The following WRN variants were observed in gnomAD, a reference collection of about 807,000 sequenced individuals.
WRN encodes the protein WRN RecQ like helicase, also known as bifunctional 3'-5' exonuclease/ATP-dependent helicase WRN.
WRN carries 149 observed loss-of-function variants against 180.7 expected under a neutral mutation model. That is an observed-to-expected ratio of 0.82 (90% CI 0.72 to 0.94). The LOEUF is 0.94. WRN is among the 40% of genes least tolerant of loss of function. The pLI is 0.00. For missense variants in WRN, 1,661 were observed against 1,700.1 expected (o/e 0.98, Z 0.40); for synonymous variants, 548 against 568.9 (o/e 0.96, Z 0.52).
intron 32 of WRN, among the ~76,000 whole-genome samples, chr8:31,156,713 C>T (rs776658337): frequency 3.3e-5 from 5 of 152,142 alleles, no homozygotes; most frequent in Non-Finnish European, 7.3e-5. Context: ...GAATGTTTTA[C>T]CTAATAAATA....
chr8:31,104,391 TGA>T (rs1801009784), intron 18 of WRN, among the ~76,000 whole-genome samples: 1 of 152,226 alleles, frequency 6.6e-6, no homozygotes, highest in African/African-American at 2.4e-5. Context: ...TTTTTTCTGT[TGA>T]GTTTTAAGAG....
At chr8:31,128,893 T>A (rs1041671705) in intron 23 of WRN, among the ~76,000 whole-genome samples, 7 of 151,694 alleles carry the variant, frequency 4.6e-5, no homozygotes, top group Non-Finnish European at 8.8e-5. Context: ...ACAAAAAAAC[T>A]AAAAAACAAA....
chr8:31,134,503 A>C (rs1802322107), intron 24 of WRN, among the ~76,000 whole-genome samples: 1 of 152,232 alleles, frequency 6.6e-6, no homozygotes, highest in African/African-American at 2.4e-5. Flanking sequence ...TGAAGTTATT[A>C]CTTAAGGAAC....
At chr8:31,132,917 A>AT (rs1205705036) in intron 24 of WRN, among the ~76,000 whole-genome samples, 1 of 152,184 alleles carries the variant, frequency 6.6e-6, no homozygotes, top group Non-Finnish European at 1.5e-5. Context: ...TATAGGGATT[A>AT]TTTTTTAAAT....
At chr8:31,078,261 G>A (rs1195320993) in intron 8 of WRN, among the ~76,000 whole-genome samples, 7 of 152,068 alleles carry the variant, frequency 4.6e-5, no homozygotes, top group Non-Finnish European at 7.4e-5. Context: ...GTGTGAAAAC[G>A]ATAACTAGTC....
intron 8 of WRN, among the ~76,000 whole-genome samples, chr8:31,079,304 A>G (rs1439251855): frequency 6.6e-6 from 1 of 152,204 alleles, no homozygotes; most frequent in East Asian, 1.9e-4. Context: ...TGAAGGATCA[A>G]ATTTTTACTT....
At chr8:31,061,234 T>C (rs919096366) in intron 3 of WRN, among the ~76,000 whole-genome samples, 1 of 152,104 alleles carries the variant, frequency 6.6e-6, no homozygotes, top group African/African-American at 2.4e-5. Flanking sequence ...TTCACTTATA[T>C]TTTTTTCTTC....
chr8:31,064,407 T>G lies in WRN; in HGVS notation c.328T>G (p.Tyr110Asp). 1 of 1,614,148 alleles carries G rather than the reference T, an allele frequency of 6.2e-7. No individual in the cohort carries two copies. Among genetic ancestry groups the G allele is most frequent in the Non-Finnish European group, 8.5e-7 (1 of 1,180,008 alleles). Residue 110 changes from tyrosine to aspartate, a missense_variant, in exon 4 of 35, where the codon TAC (tyrosine) becomes GAC (aspartate). Physicochemically the swap from Tyr to Asp is radical, Grantham distance 160 (BLOSUM62 -3). Transcript: ENST00000298139. ...GTTGTGTGTTTCTGAGAGCAAATGT[T>G]ACTTGTTCCACGTTTCTTCCATGTC... ...IQLCVSESKCYLFHVSSMSVF... is the reference protein window; with the variant it reads ...IQLCVSESKCDLFHVSSMSVF...
At chr8:31,072,699 C>T (rs1433809950) in intron 7 of WRN, among the ~76,000 whole-genome samples, 2 of 152,166 alleles carry the variant, frequency 1.3e-5, no homozygotes, top group African/African-American at 4.8e-5. Flanking sequence ...AACAACTGTT[C>T]TAGAAGCTTA....
chr8:31,099,382 A>G (rs1814121120), intron 17 of WRN, among the ~76,000 whole-genome samples: 1 of 144,714 alleles, frequency 6.9e-6, no homozygotes, highest in Admixed American at 6.7e-5. Context: ...TTAGCCTAAG[A>G]AAAGGAAGGA....
At chr8:31,034,533 A>G (rs1483329102) in intron 1 of WRN, among the ~76,000 whole-genome samples, 10 of 152,054 alleles carry the variant, frequency 6.6e-5, no homozygotes, top group Non-Finnish European at 1.5e-4. Context: ...CAGGCTTTTT[A>G]TGGTTCGGTA....
At chr8:31,159,536 A>T (rs554613587) in intron 33 of WRN, among the ~76,000 whole-genome samples, 206 of 152,226 alleles carry the variant, frequency 1.4e-3, no homozygotes, top group Non-Finnish European at 2.6e-3. Context: ...GTTATAATTT[A>T]AAAAAATTAT....
At chr8:31,103,730 T>A (rs1800970466) in intron 18 of WRN, among the ~76,000 whole-genome samples, 1 of 152,126 alleles carries the variant, frequency 6.6e-6, no homozygotes, top group South Asian at 2.1e-4. Context: ...GTTCTTTATT[T>A]TTTTTTATTT....
chr8:31,142,515 G>C (rs1003369293), intron 26 of WRN, 111 bp from the exon 27 acceptor site: 7 of 819,788 alleles, frequency 8.5e-6, no homozygotes, highest in South Asian at 8.2e-5. Context: ...AGAATCACCA[G>C]TTCTAAAAGG....
At chr8:31,046,743 G>A (rs1358027912) in intron 1 of WRN, among the ~76,000 whole-genome samples, 1 of 152,186 alleles carries the variant, frequency 6.6e-6, no homozygotes, top group East Asian at 1.9e-4. Flanking sequence ...AAGCTTTGTA[G>A]CTGCTCCTGG....
intron 1 of WRN, among the ~76,000 whole-genome samples, chr8:31,046,979 G>A (rs2725339): frequency 0.078 from 11,831 of 152,098 alleles, 633 homozygotes; most frequent in East Asian, 0.22. Flanking sequence ...TACTATGTAA[G>A]ATTTGCTTTA....
chr8:31,068,953 A>G (rs1255318331), intron 7 of WRN, among the ~76,000 whole-genome samples: 1 of 152,232 alleles, frequency 6.6e-6, no homozygotes. Flanking sequence ...TTTGTTGCAC[A>G]GACCAATGTG....
chr8:31,125,103 A>G, intron 23 of WRN, 103 bp downstream of exon 23: 4 of 1,127,962 alleles, frequency 3.5e-6, no homozygotes. Flanking sequence ...TCAGTTTTTT[A>G]AACAAAACAA....
At chr8:31,108,797 C>A (rs1801192861) in intron 18 of WRN, among the ~76,000 whole-genome samples, 1 of 152,040 alleles carries the variant, frequency 6.6e-6, no homozygotes, top group Non-Finnish European at 1.5e-5. Flanking sequence ...TTAAGAAAAT[C>A]ATGCTGCAGC....
Sources: allele counts gnomAD v4.1 joint callset (sites outside exome capture counted in the v4.1 genomes callset), GRCh38; gene constraint gnomAD v4.1.1; transcripts MANE v1.5; gene names NCBI Gene and HGNC (gene_info 2026-07-23, HGNC 2026-07-21).